ZNF215: variants seen among roughly 807,000 people sequenced by gnomAD.
ZNF215 encodes the protein BWSCR2-associated zinc finger protein 2.
ZNF215 carries 24 observed loss-of-function variants against 27.2 expected under a neutral mutation model. The observed-to-expected ratio is 0.88, with a 90% CI of 0.64 to 1.24. The LOEUF (loss-of-function observed/expected upper bound fraction) is 1.24, where lower values mean the gene tolerates loss of function less well. Among genes scored for constraint, ZNF215 ranks in the 50% most tolerant of loss-of-function variants. The pLI is 0.00. For missense variants in ZNF215, 675 were observed against 605.7 expected, an observed-to-expected ratio of 1.11 and a Z score of -1.20; for synonymous variants, 210 against 204.0, an observed-to-expected ratio of 1.03 and a Z score of -0.25.
chr11:6,933,224 C>T (rs1423190396), intron 3 of ZNF215, among the ~76,000 whole-genome samples: 1 of 152,082 alleles, frequency 6.6e-6, no homozygotes, highest in African/African-American at 2.4e-5. Context: ...GGAGTTTGAA[C>T]CTAGAGGAAT....
At chr11:6,971,502 G>T (rs545610492) in intron 5 of ZNF215, among the ~76,000 whole-genome samples, 59 of 152,120 alleles carry the variant, frequency 3.9e-4, no homozygotes, top group Non-Finnish European at 5.4e-4. Flanking sequence ...CAATCAGAAT[G>T]CCAGGAAGAT....
Position 6,955,740 on chromosome 11 carries a change from A to G in ZNF215, c.763A>G (p.Arg255Gly), listed in dbSNP as rs534474348. ...EESSHGVIMT[R>G]LTESGHPSSD... The stretch of plus-strand genomic sequence containing the variant: ...ATCATCCCATGGAGTGATTATGACA[A>G]GGCTTACCGAAAGTGGACACCCTTC... Residue 255 changes from arginine (R) to glycine (G), a missense_variant, in exon 7 of 7, where the codon AGG (arginine) becomes GGG (glycine). By Grantham distance (125) the Arg-to-Gly change is moderately radical. Coordinates refer to ENST00000278319, the MANE Select transcript of ZNF215 (RefSeq NM_013250.4). 188 of 1,601,436 alleles carry G rather than the reference A, an allele frequency of 1.2e-4. 1 individual carries two copies. The South Asian group carries it at 1.7e-3, about 14-fold the overall frequency.
At chr11:6,945,900 A>G (rs1212074525) in intron 6 of ZNF215, among the ~76,000 whole-genome samples, 1 of 152,194 alleles carries the variant, frequency 6.6e-6, no homozygotes, top group Admixed American at 6.6e-5. Context: ...GGAGATTTAT[A>G]TATGCTATGA....
intron 3 of ZNF215, among the ~76,000 whole-genome samples, chr11:6,937,365 T>C (rs1362394638): frequency 6.6e-6 from 1 of 151,870 alleles, no homozygotes; most frequent in African/African-American, 2.4e-5. Context: ...CAAACCATTG[T>C]TGAAATTAAA....
At chr11:6,978,337 G>A (rs1850876505) in intron 5 of ZNF215, among the ~76,000 whole-genome samples, 1 of 152,048 alleles carries the variant, frequency 6.6e-6, no homozygotes, top group African/African-American at 2.4e-5. Flanking sequence ...TTTATATGAA[G>A]TTCTTGAACA....
intron 3 of ZNF215, among the ~76,000 whole-genome samples, chr11:6,940,352 T>C (rs984088817): frequency 5.9e-5 from 9 of 152,176 alleles, no homozygotes; most frequent in Non-Finnish European, 1.2e-4. Flanking sequence ...TCACCAGGGC[T>C]GGAGTGTGGT....
intron 5 of ZNF215, among the ~76,000 whole-genome samples, chr11:6,972,643 T>C (rs892208045): frequency 2.0e-5 from 3 of 152,260 alleles, no homozygotes; most frequent in Admixed American, 1.3e-4. Flanking sequence ...CTTTCATAAA[T>C]ACCAAAACTC....
chr11:6,979,988 A>G (rs1311956360), intron 5 of ZNF215, among the ~76,000 whole-genome samples: 1 of 152,136 alleles, frequency 6.6e-6, no homozygotes, highest in Non-Finnish European at 1.5e-5. Context: ...GTTAACATTA[A>G]AAAGCAACAA....
downstream of ZNF215, chr11:6,958,053 G>C (rs974504450): frequency 2.0e-6 from 2 of 985,202 alleles, no homozygotes; most frequent in African/African-American, 3.5e-5. Context: ...ATCTATGTTT[G>C]TTCATCCTTT....
At position 6,932,299 on chromosome 11, in the gene ZNF215, T is replaced by C; in HGVS notation, c.27T>C (p.Ala9=). 1.9e-6 allele frequency: 3 copies of C among 1,614,088 alleles called. No individual in the cohort carries two copies. Among genetic ancestry groups the C allele is most frequent in the Non-Finnish European group, 2.5e-6 (3 of 1,179,992 alleles). Residue 9 remains alanine, a synonymous_variant, in exon 3 of 7, where the codon GCT becomes GCC. Coordinates refer to ENST00000278319, the MANE Select transcript of ZNF215 (RefSeq NM_013250.4). The stretch of plus-strand genomic sequence containing the variant: ...TGCAGCCTCTGAGCAAGTTGATGGC[T>C]ATCTCAAAACCTCGAAACCTGTCTC... MQPLSKLM[A]ISKPRNLSLR...
At chr11:6,980,760 TC>T (rs1271073133) in intron 5 of ZNF215, among the ~76,000 whole-genome samples, 1 of 75,938 alleles carries the variant, frequency 1.3e-5, no homozygotes, top group Non-Finnish European at 2.4e-5. Context: ...CCCTCCCCCC[TC>T]CCCCCACCCC....
intron 5 of ZNF215, among the ~76,000 whole-genome samples, chr11:6,981,619 T>C (rs1307371114): frequency 6.6e-6 from 1 of 152,074 alleles, no homozygotes; most frequent in Non-Finnish European, 1.5e-5. Flanking sequence ...TTTAATTAGA[T>C]CCCATTTGTC....
chr11:6,950,905 C>G (rs369267708), intron 6 of ZNF215, among the ~76,000 whole-genome samples: 29,417 of 150,760 alleles, frequency 0.2, 2,953 homozygotes, highest in Middle Eastern at 0.23. Flanking sequence ...GAGATACGTC[C>G]CATCAATACC....
rs560109118 is a variant in ZNF215, at chr11:6,956,858, AC to A, written c.*329del. On this transcript the variant is annotated 3_prime_UTR_variant, in exon 7 of 7. Transcript: ENST00000278319. The stretch of plus-strand genomic sequence containing the variant: ...ATAGGTCTATAGCATACTAATATCC[AC>A]CTGATTTATTGACGAAGTAGACATT... 104 of 1,025,784 alleles carry A rather than the reference AC, an allele frequency of 1.0e-4. 1 individual carries two copies. The South Asian group carries it at 4.3e-3, about 42-fold the overall frequency. The allele number at this position is 1,025,784 out of a possible 1,614,324, so 63.5% of individuals were successfully genotyped here.
chr11:6,960,376 A>C (rs1850492524), downstream of ZNF215, among the ~76,000 whole-genome samples: 1 of 152,142 alleles, frequency 6.6e-6, no homozygotes, highest in Non-Finnish European at 1.5e-5. Context: ...AGTCTGCATA[A>C]AGGAAGAGCA....
intron 6 of ZNF215, among the ~76,000 whole-genome samples, chr11:6,951,093 A>G (rs889813553): frequency 2.0e-5 from 3 of 152,208 alleles, no homozygotes; most frequent in African/African-American, 7.2e-5. Context: ...CCACTTGATC[A>G]TGGTGGATAA....
chr11:6,967,713 A>C (rs1171792179), intron 5 of ZNF215, among the ~76,000 whole-genome samples: 1 of 152,158 alleles, frequency 6.6e-6, no homozygotes, highest in Non-Finnish European at 1.5e-5. Context: ...ATAGATTACA[A>C]AAATTTTCTT....
chr11:6,955,203 G>C (rs1850278485), intron 6 of ZNF215, among the ~76,000 whole-genome samples: 3 of 152,114 alleles, frequency 2.0e-5, no homozygotes, highest in Admixed American at 2.0e-4. Context: ...ATGGAAAATG[G>C]GGGCACTATG....
chr11:6,976,634 C>T (rs912813475), intron 5 of ZNF215, among the ~76,000 whole-genome samples: 4 of 151,932 alleles, frequency 2.6e-5, no homozygotes, highest in Admixed American at 6.6e-5. Context: ...AAATTGCTTC[C>T]TCTCTGACTA....
Sources: gnomAD v4.1 joint callset for allele counts (sites outside exome capture counted in the v4.1 genomes callset) on GRCh38, gnomAD v4.1.1 for gene constraint, MANE v1.5 for transcripts, NCBI Gene and HGNC (gene_info 2026-07-23, HGNC 2026-07-21) for gene names.